The following ZMYM4 variants were observed in gnomAD, a reference collection of about 807,000 sequenced individuals.
ZMYM4 encodes the protein zinc finger MYM-type protein 4.
In ZMYM4, 31 loss-of-function variants were observed where a neutral mutation model predicts 183.2. That is an observed-to-expected ratio of 0.17 (90% CI 0.13 to 0.23). The LOEUF (loss-of-function observed/expected upper bound fraction) is 0.23, where lower values mean the gene tolerates loss of function less well. Among genes scored for constraint, ZMYM4 ranks in the 10% least tolerant of loss-of-function variants. The probability of loss-of-function intolerance (pLI) is 1.00; values close to 1 mark genes in which losing one functional copy is unlikely to be tolerated. For missense variants in ZMYM4, 1,273 were observed against 1,840.3 expected, an observed-to-expected ratio of 0.69 and a Z score of 5.64; for synonymous variants, 592 against 631.2, an observed-to-expected ratio of 0.94 and a Z score of 0.93.
intron 7 of ZMYM4, among the ~76,000 whole-genome samples, chr1:35,373,760 A>T (rs1312830695): frequency 6.6e-6 from 1 of 150,794 alleles, no homozygotes; most frequent in East Asian, 1.9e-4. Flanking sequence ...GTTGGTCTCG[A>T]TCTCCTGACC....
intron 1 of ZMYM4, among the ~76,000 whole-genome samples, chr1:35,294,007 C>T (rs939354708): frequency 1.3e-4 from 20 of 152,096 alleles, no homozygotes; most frequent in African/African-American, 3.4e-4. Context: ...TGGTGGCACG[C>T]GCCTGCAGTC....
At chr1:35,374,686 A>AAT (rs1553176185) in intron 7 of ZMYM4, among the ~76,000 whole-genome samples, 1 of 151,584 alleles carries the variant, frequency 6.6e-6, no homozygotes, top group East Asian at 1.9e-4. Flanking sequence ...AAAAAAAAAA[A>AAT]GTCAGTCATA....
intron 28 of ZMYM4, among the ~76,000 whole-genome samples, chr1:35,417,632 GTTCAAGGCTGCGGAGA>G (rs1640172595): frequency 1.3e-5 from 2 of 152,012 alleles, no homozygotes; most frequent in Admixed American, 1.3e-4. Context: ...GAACCCAGGA[GTTCAAGGCTGCGGAGA>G]TTCAAGGCTG....
At chr1:35,385,797 A>G (rs1644562847) in intron 10 of ZMYM4, among the ~76,000 whole-genome samples, 1 of 152,160 alleles carries the variant, frequency 6.6e-6, no homozygotes, top group South Asian at 2.1e-4. Context: ...AAAGAATTTC[A>G]TATGGCTTCT....
chr1:35,314,436 C>CT (rs1352801035), intron 1 of ZMYM4, among the ~76,000 whole-genome samples: 3 of 151,766 alleles, frequency 2.0e-5, no homozygotes, highest in African/African-American at 7.3e-5. Flanking sequence ...AGGCACCTGC[C>CT]ACCACACCCG....
In ZMYM4 at chr1:35,394,922, C is replaced by T. The variant is rs184165325; in HGVS notation, c.2911+1183C>T. Among the ~76,000 whole-genome samples, 252 of 151,366 alleles carry T rather than the reference C, an allele frequency of 1.7e-3. 1 individual carries two copies. Among genetic ancestry groups the T allele is most frequent in the Middle Eastern group, 3.5e-3 (1 of 286 alleles). On this transcript the variant is annotated intron_variant, in intron 18 of 29. Transcript: ENST00000314607. Reference sequence around the variant, plus strand: ...TGAGCCCAAGAGTTCAAGACCAGCACGGGCAACATAGCGAGACCATCTCTA... The same window carrying T: ...TGAGCCCAAGAGTTCAAGACCAGCATGGGCAACATAGCGAGACCATCTCTA...
intron 2 of ZMYM4, among the ~76,000 whole-genome samples, chr1:35,353,301 C>G (rs2148890801): frequency 6.6e-6 from 1 of 152,276 alleles, no homozygotes; most frequent in South Asian, 2.1e-4. Context: ...TTCTTCTGCT[C>G]CGTATAACAT....
chr1:35,396,060 GCCT>G (rs1570519110), intron 18 of ZMYM4, among the ~76,000 whole-genome samples: 1 of 151,880 alleles, frequency 6.6e-6, no homozygotes, highest in South Asian at 2.1e-4. Context: ...TATTATAATT[GCCT>G]CCTATTTTAA....
intron 2 of ZMYM4, among the ~76,000 whole-genome samples, chr1:35,353,544 C>CT (rs1312617246): frequency 1.3e-5 from 2 of 152,120 alleles, no homozygotes; most frequent in Non-Finnish European, 2.9e-5. Context: ...ACCATCCTTG[C>CT]TTTTCCTCAC....
chr1:35,362,061 C>G (rs1225904482), intron 5 of ZMYM4, among the ~76,000 whole-genome samples: 1 of 152,196 alleles, frequency 6.6e-6, no homozygotes, highest in African/African-American at 2.4e-5. Context: ...GAGAACTATA[C>G]AGCAGATATG....
intron 1 of ZMYM4, among the ~76,000 whole-genome samples, chr1:35,292,676 T>G (rs1640818257): frequency 6.6e-6 from 1 of 151,910 alleles, no homozygotes; most frequent in Non-Finnish European, 1.5e-5. Context: ...TTTTTTGTAT[T>G]TTTAGTAGAG....
intron 9 of ZMYM4, among the ~76,000 whole-genome samples, chr1:35,382,915 T>G (rs1193140310): frequency 6.6e-6 from 1 of 152,214 alleles, no homozygotes; most frequent in African/African-American, 2.4e-5. Context: ...TATATACTTC[T>G]TATTTGACAA....
At chr1:35,329,070 A>G (rs1462728887) in intron 2 of ZMYM4, among the ~76,000 whole-genome samples, 1 of 152,224 alleles carries the variant, frequency 6.6e-6, no homozygotes, top group Non-Finnish European at 1.5e-5. Context: ...CACTGTCAGC[A>G]AAATATAGTA....
chr1:35,361,590 A>G (rs1490052297), intron 4 of ZMYM4, 29 bp from the exon 5 acceptor site: 1 of 1,586,248 alleles, frequency 6.3e-7, no homozygotes, highest in East Asian at 2.2e-5. Flanking sequence ...AAATCTGAAT[A>G]TTTATTAATC....
intron 1 of ZMYM4, among the ~76,000 whole-genome samples, chr1:35,281,783 T>C (rs1284840183): frequency 6.6e-6 from 1 of 152,140 alleles, no homozygotes; most frequent in East Asian, 1.9e-4. Flanking sequence ...TCACCCACAA[T>C]AGAAACTCTA....
chr1:35,380,371 A>G (rs894411619), intron 7 of ZMYM4, among the ~76,000 whole-genome samples: 2 of 152,072 alleles, frequency 1.3e-5, no homozygotes, highest in South Asian at 2.1e-4. Context: ...TCTGTCGCCC[A>G]TGCTGGAGTG....
At chr1:35,285,114 G>A (rs1640410475) in intron 1 of ZMYM4, among the ~76,000 whole-genome samples, 1 of 151,998 alleles carries the variant, frequency 6.6e-6, no homozygotes, top group Non-Finnish European at 1.5e-5. Flanking sequence ...TAGGAAGTAG[G>A]AGTCCTCAAG....
At chr1:35,377,010 G>A (rs1570473245) in intron 7 of ZMYM4, among the ~76,000 whole-genome samples, 1 of 151,862 alleles carries the variant, frequency 6.6e-6, no homozygotes, top group Non-Finnish European at 1.5e-5. Flanking sequence ...AGGTTCAAGC[G>A]ATTCTCTTGC....
intron 23 of ZMYM4, 151 bp downstream of exon 23, chr1:35,399,727 A>G: frequency 1.4e-6 from 1 of 738,220 alleles, no homozygotes; most frequent in East Asian, 2.8e-5. Flanking sequence ...CAAGAACCAT[A>G]TATTTTATTT....
Sources: gnomAD v4.1 joint callset for allele counts (sites outside exome capture counted in the v4.1 genomes callset) on GRCh38, gnomAD v4.1.1 for gene constraint, MANE v1.5 for transcripts, NCBI Gene and HGNC (gene_info 2026-07-23, HGNC 2026-07-21) for gene names.